CNBD1: variants seen among roughly 807,000 people sequenced by gnomAD.
CNBD1 encodes the protein cyclic nucleotide binding domain containing 1.
A neutral mutation model predicts 54.4 loss-of-function variants in CNBD1; 71 were observed. The ratio of observed to expected loss-of-function variants is 1.30; its 90% CI spans 1.08 to 1.59. The LOEUF is 1.59. Among genes scored for constraint, CNBD1 ranks in the 40% most tolerant of loss-of-function variants. The probability of loss-of-function intolerance (pLI) is 0.00; values close to 1 mark genes in which losing one functional copy is unlikely to be tolerated. For synonymous variants in CNBD1, 182 were observed against 170.7 expected (o/e 1.07, Z -0.51); for missense variants, 659 against 518.0 (o/e 1.27, Z -2.64).
intron 4 of CNBD1, among the ~76,000 whole-genome samples, chr8:86,953,500 G>A (rs184998667): frequency 1.9e-4 from 29 of 152,196 alleles, no homozygotes; most frequent in South Asian, 6.2e-4. Flanking sequence ...TAGAAATCCC[G>A]TACAATTTTG....
chr8:87,070,259 C>T (rs934974388), intron 4 of CNBD1, among the ~76,000 whole-genome samples: 5 of 152,022 alleles, frequency 3.3e-5, no homozygotes, highest in African/African-American at 1.2e-4. Context: ...CTAGTCCTAC[C>T]CCGCATATAT....
intron 2 of CNBD1, among the ~76,000 whole-genome samples, chr8:87,411,534 AAT>A (rs1317378981): frequency 1.3e-5 from 2 of 150,212 alleles, no homozygotes; most frequent in African/African-American, 4.9e-5. Context: ...ATTTCTTGGA[AAT>A]ATGTTAAGTA....
chr8:87,368,035 A>C (rs971614111), intron 10 of CNBD1, among the ~76,000 whole-genome samples: 26 of 151,928 alleles, frequency 1.7e-4, no homozygotes, highest in African/African-American at 6.3e-4. Context: ...GATGATGTGC[A>C]CCTGTAGTCG....
intron 4 of CNBD1, among the ~76,000 whole-genome samples, chr8:87,173,519 T>C (rs906623254): frequency 2.0e-5 from 3 of 152,218 alleles, no homozygotes; most frequent in African/African-American, 4.8e-5. Flanking sequence ...AGTCTTTATT[T>C]CTCTGTCATG....
At chr8:86,963,624 G>A (rs1203825672) in intron 4 of CNBD1, among the ~76,000 whole-genome samples, 1 of 152,140 alleles carries the variant, frequency 6.6e-6, no homozygotes, top group Non-Finnish European at 1.5e-5. Flanking sequence ...CCAGTAACTG[G>A]GGACCTGGCC....
chr8:87,314,868 G>T (rs756128284), intron 8 of CNBD1, among the ~76,000 whole-genome samples: 5 of 151,946 alleles, frequency 3.3e-5, no homozygotes, highest in Non-Finnish European at 5.9e-5. Context: ...ACCCTCAAAT[G>T]ATGTAAAATA....
intron 5 of CNBD1, among the ~76,000 whole-genome samples, chr8:87,222,755 A>T (rs1220627798): frequency 6.6e-6 from 1 of 152,166 alleles, no homozygotes; most frequent in Non-Finnish European, 1.5e-5. Context: ...AAAAGTCACT[A>T]TCAAAATGAT....
intron 2 of CNBD1, among the ~76,000 whole-genome samples, chr8:87,389,773 G>A (rs1811269822): frequency 6.6e-6 from 1 of 152,058 alleles, no homozygotes; most frequent in South Asian, 2.1e-4. Context: ...GAACCAAAAA[G>A]GAGCCCGCAT....
Position 87,378,555 on chromosome 8 carries a change from A to T in CNBD1, c.1304-4065A>T, listed in dbSNP as rs958743625. ...AGTACCATGCTGTTTTGGTTACTGT[A>T]GCCTTGTTGTATAGTTTGAAGTCAG... On this transcript the variant is annotated intron_variant, in intron 10 of 10. Transcript: ENST00000518476. Among the ~76,000 whole-genome samples, 6 of 150,576 alleles carry T rather than the reference A, an allele frequency of 4.0e-5. 1 individual carries two copies. The highest frequency in any genetic ancestry group is 1.5e-4 in the African/African-American group (6 of 40,176).
chr8:87,210,846 G>A (rs1393863053), intron 5 of CNBD1, among the ~76,000 whole-genome samples: 1 of 152,166 alleles, frequency 6.6e-6, no homozygotes, highest in Non-Finnish European at 1.5e-5. Flanking sequence ...GGGATTGAAG[G>A]TCCTACACAG....
intron 4 of CNBD1, among the ~76,000 whole-genome samples, chr8:87,005,558 C>G (rs1809081062): frequency 6.6e-6 from 1 of 151,812 alleles, no homozygotes; most frequent in African/African-American, 2.4e-5. Context: ...TGTTTTTGCA[C>G]TTCTGCTTGC....
chr8:86,982,191 C>T (rs1808502490), intron 4 of CNBD1, among the ~76,000 whole-genome samples: 1 of 151,930 alleles, frequency 6.6e-6, no homozygotes, highest in African/African-American at 2.4e-5. Context: ...GCTTATTTGC[C>T]ACTTATATGT....
chr8:87,095,743 T>C (rs866044682), intron 4 of CNBD1, among the ~76,000 whole-genome samples: 4 of 152,178 alleles, frequency 2.6e-5, no homozygotes, highest in African/African-American at 4.8e-5. Context: ...CTGAAAGCTC[T>C]GCCTCCTGGG....
chr8:86,925,981 C>G (rs1361544060), intron 3 of CNBD1, among the ~76,000 whole-genome samples: 2 of 152,142 alleles, frequency 1.3e-5, no homozygotes, highest in Non-Finnish European at 2.9e-5. Context: ...TTTGCTGCTG[C>G]TGGCTGGGGT....
At chr8:87,287,567 G>A (rs1808721693) in intron 8 of CNBD1, among the ~76,000 whole-genome samples, 2 of 152,100 alleles carry the variant, frequency 1.3e-5, no homozygotes, top group South Asian at 2.1e-4. Context: ...GTTCTAAAAC[G>A]AATGAATCTG....
chr8:87,369,778 C>T lies in CNBD1; in HGVS notation c.1304-12842C>T, dbSNP rs148180338. ...TTTAGGGTACATGTGCACAATGTGC[C>T]GGTTAGTTACATATGTATACATGCG... On this transcript the variant is annotated intron_variant, in intron 10 of 10. Transcript: ENST00000518476. Among the ~76,000 whole-genome samples the T allele has an allele frequency of 9.7e-3, 1,470 of 151,436 alleles. 21 individuals are homozygous for T. Among genetic ancestry groups the T allele is most frequent in the African/African-American group, 0.033 (1,351 of 41,304 alleles).
chr8:86,923,574 C>A (rs1016155028), intron 3 of CNBD1, among the ~76,000 whole-genome samples: 1 of 152,152 alleles, frequency 6.6e-6, no homozygotes, highest in Non-Finnish European at 1.5e-5. Context: ...GATTCCCCGC[C>A]CCCAGCCTTT....
At chr8:87,230,402 A>ATATT (rs1334293021) in intron 5 of CNBD1, among the ~76,000 whole-genome samples, 1 of 152,184 alleles carries the variant, frequency 6.6e-6, no homozygotes, top group Non-Finnish European at 1.5e-5. Flanking sequence ...TTGTAGGTAT[A>ATATT]TATTTATCTA....
At chr8:87,368,753 C>A (rs1182507709) in intron 10 of CNBD1, among the ~76,000 whole-genome samples, 1 of 151,990 alleles carries the variant, frequency 6.6e-6, no homozygotes, top group Admixed American at 6.6e-5. Context: ...GCTGACCTTG[C>A]TTTTGTCTGT....
Sources: allele counts gnomAD v4.1 joint callset (sites outside exome capture counted in the v4.1 genomes callset), GRCh38; gene constraint gnomAD v4.1.1; transcripts MANE v1.5; gene names NCBI Gene and HGNC (gene_info 2026-07-23, HGNC 2026-07-21).